Variants in TSGA10 observed in about 807,000 individuals in gnomAD.
TSGA10 encodes the protein testis specific 10.
In TSGA10, 43 loss-of-function variants were observed where a neutral mutation model predicts 96.6. That is an observed-to-expected ratio of 0.44 (90% CI 0.35 to 0.57). The LOEUF (loss-of-function observed/expected upper bound fraction) is 0.57. TSGA10 is among the 20% of genes least tolerant of loss of function. TSGA10 has a pLI of 0.01. For missense variants in TSGA10, 703 were observed against 834.4 expected (o/e 0.84, Z 1.94); for synonymous variants, 229 against 269.9 (o/e 0.85, Z 1.48).
At chr2:99,101,393 C>G (rs1191784169) in intron 10 of TSGA10, among the ~76,000 whole-genome samples, 4 of 151,870 alleles carry the variant, frequency 2.6e-5, no homozygotes, top group African/African-American at 9.7e-5. Flanking sequence ...ATTTCAAAGT[C>G]CTGGCCTCAA....
chr2:99,074,776 T>C (rs1170683707), intron 12 of TSGA10, among the ~76,000 whole-genome samples: 1 of 151,944 alleles, frequency 6.6e-6, no homozygotes. Flanking sequence ...CTGACCAACA[T>C]GGTGAAACCC....
chr2:99,113,841 C>T (rs1480451421), intron 4 of TSGA10, among the ~76,000 whole-genome samples: 1 of 152,180 alleles, frequency 6.6e-6, no homozygotes, highest in Non-Finnish European at 1.5e-5. Flanking sequence ...ACCACCAGCC[C>T]TGGCCATCAT....
Position 99,052,054 on chromosome 2 carries a change from C to A in TSGA10, c.1404+12885G>T, listed in dbSNP as rs547113618. On this transcript the variant is annotated intron_variant, in intron 16 of 20. Transcript: ENST00000393483. ...AAAAAATCTCAAATCAACAACCTAA[C>A]TTCTTAAGACACTAAAAAAGAAAGG... Among the ~76,000 whole-genome samples, 4 of 151,708 alleles carry A rather than the reference C, an allele frequency of 2.6e-5. No individual in the cohort carries two copies. The South Asian group carries it at 8.3e-4, about 32-fold the overall frequency.
At chr2:99,144,864 T>C (rs1267753252) in intron 1 of TSGA10, among the ~76,000 whole-genome samples, 1 of 152,032 alleles carries the variant, frequency 6.6e-6, no homozygotes. Flanking sequence ...AGGTTTGGCA[T>C]AGAATATGCT....
At chr2:99,098,512 T>C (rs184744933) in intron 10 of TSGA10, among the ~76,000 whole-genome samples, 1 of 146,490 alleles carries the variant, frequency 6.8e-6, no homozygotes, top group African/African-American at 2.5e-5. Flanking sequence ...ATGTAAACAT[T>C]CATCTGAAGA....
At chr2:99,016,130 T>C (rs886177845) in intron 20 of TSGA10, among the ~76,000 whole-genome samples, 2 of 152,178 alleles carry the variant, frequency 1.3e-5, no homozygotes, top group Non-Finnish European at 2.9e-5. Flanking sequence ...ATAATCATTC[T>C]TCACAGAACT....
At chr2:99,114,120 A>G (rs1396506599) in intron 4 of TSGA10, among the ~76,000 whole-genome samples, 1 of 152,200 alleles carries the variant, frequency 6.6e-6, no homozygotes, top group African/African-American at 2.4e-5. Context: ...ATTCCAGACA[A>G]ACTAACAGTA....
intron 12 of TSGA10, among the ~76,000 whole-genome samples, chr2:99,077,441 A>G (rs2086848317): frequency 6.6e-6 from 1 of 152,228 alleles, no homozygotes; most frequent in African/African-American, 2.4e-5. Context: ...CCCTTATTCC[A>G]ATGATGCTGC....
At chr2:99,085,609 TAAAAAA>T (rs200309936) in intron 10 of TSGA10, among the ~76,000 whole-genome samples, 23 of 52,470 alleles carry the variant, frequency 4.4e-4, no homozygotes, top group African/African-American at 2.2e-3. Context: ...ATCCTGTCTT[TAAAAAA>T]AAAAAAAAAA....
At chr2:99,118,751 C>A in intron 2 of TSGA10, 65 bp from the exon 3 acceptor site, 1 of 832,220 alleles carries the variant, frequency 1.2e-6, no homozygotes. Flanking sequence ...TATTAAATTC[C>A]AAAAATACAA....
At chr2:99,117,219 A>G (rs2092319731) in intron 4 of TSGA10, 1 of 152,234 alleles carries the variant, frequency 6.6e-6, no homozygotes, top group South Asian at 2.1e-4. Context: ...AGACGAAAAT[A>G]AATGTATCTA....
intron 11 of TSGA10, among the ~76,000 whole-genome samples, chr2:99,079,507 A>G (rs890260292): frequency 6.6e-6 from 1 of 152,216 alleles, no homozygotes; most frequent in East Asian, 1.9e-4. Flanking sequence ...ACTGAATCAG[A>G]AATTCTGGGG....
At chr2:99,119,386 T>A (rs540655513) in intron 2 of TSGA10, among the ~76,000 whole-genome samples, 3 of 152,310 alleles carry the variant, frequency 2.0e-5, no homozygotes, top group Admixed American at 2.0e-4. Flanking sequence ...TTATGTTGCC[T>A]CATGACACTG....
At chr2:99,119,267 T>C (rs576902472) in intron 2 of TSGA10, among the ~76,000 whole-genome samples, 73 of 152,292 alleles carry the variant, frequency 4.8e-4, no homozygotes, top group African/African-American at 1.5e-3. Context: ...GAGGCATAAT[T>C]AAAGTCATTA....
intron 20 of TSGA10, among the ~76,000 whole-genome samples, chr2:99,016,024 G>A (rs1438212739): frequency 6.6e-6 from 1 of 152,096 alleles, no homozygotes; most frequent in African/African-American, 2.4e-5. Flanking sequence ...CAAACAAATG[G>A]AAACACATCC....
chr2:99,016,007 G>A (rs2079486858), intron 20 of TSGA10, among the ~76,000 whole-genome samples: 1 of 152,140 alleles, frequency 6.6e-6, no homozygotes, highest in Non-Finnish European at 1.5e-5. Context: ...AGAAGTCACT[G>A]ATGACACAAA....
At chr2:99,000,775 A>G (rs935558517) in intron 20 of TSGA10, among the ~76,000 whole-genome samples, 1 of 152,038 alleles carries the variant, frequency 6.6e-6, no homozygotes, top group African/African-American at 2.4e-5. Flanking sequence ...CCACTCTACT[A>G]CTGTGCTTTT....
chr2:99,147,259 C>G, intron 1 of TSGA10: 1 of 478,020 alleles, frequency 2.1e-6, no homozygotes, highest in Non-Finnish European at 3.7e-6. Context: ...CCTTGGCCTC[C>G]CAAAGTGCTG....
chr2:99,118,974 T>A (rs2092431634), intron 2 of TSGA10, among the ~76,000 whole-genome samples: 1 of 152,070 alleles, frequency 6.6e-6, no homozygotes, highest in African/African-American at 2.4e-5. Context: ...AAAAGATGCA[T>A]TAAAAACAAC....
Sources: allele counts gnomAD v4.1 joint callset (sites outside exome capture counted in the v4.1 genomes callset), GRCh38; gene constraint gnomAD v4.1.1; transcripts MANE v1.5; gene names NCBI Gene and HGNC (gene_info 2026-07-23, HGNC 2026-07-21).